The following REEP2 variants were observed in gnomAD, a reference collection of about 807,000 sequenced individuals.
REEP2 encodes receptor expression-enhancing protein 2.
REEP2 carries 9 observed loss-of-function variants against 32.1 expected under a neutral mutation model. The ratio of observed to expected loss-of-function variants is 0.28; its 90% CI spans 0.17 to 0.49. REEP2 has a LOEUF of 0.49. REEP2 is among the 20% of genes least tolerant of loss of function. The pLI, the probability that REEP2 is intolerant of heterozygous loss-of-function variation, is 0.99. For synonymous variants in REEP2, 128 were observed against 139.1 expected (o/e 0.92, Z 0.56); for missense variants, 236 against 338.0 (o/e 0.70, Z 2.37).
rs747072588 is a variant in REEP2, at chr5:138,444,412, C to A, written c.183-3C>A. ...TACTCTGCGCTTGCCCCTGTCCCAACAGGTTCCCCTTCTACTTTGAACTGA... is the reference window on the plus strand; with the variant it reads ...TACTCTGCGCTTGCCCCTGTCCCAAAAGGTTCCCCTTCTACTTTGAACTGA... On this transcript the variant is annotated splice_region_variant and splice_polypyrimidine_tract_variant and intron_variant, in intron 3 of 7. Transcript: ENST00000378339. 6.2e-7 allele frequency: 1 copy of A among 1,613,734 alleles called. No homozygotes were observed. The highest frequency in any genetic ancestry group is 2.2e-5 in the East Asian group (1 of 44,874).
In REEP2 at chr5:138,446,515, A is replaced by C. The variant is rs3798153; in HGVS notation, c.*764A>C. 0.54 allele frequency: 82,965 copies of C among 152,450 alleles called. 22,852 individuals carry two copies. The highest frequency in any genetic ancestry group is 0.79 in the East Asian group (4,093 of 5,168). 9.4% of individuals were successfully genotyped at this position (152,450 alleles called of 1,614,324 possible). On this transcript the variant is annotated 3_prime_UTR_variant, in exon 8 of 8. Coordinates refer to ENST00000378339, the MANE Select transcript of REEP2 (RefSeq NM_001271803.2). ...TGGCCCTTTCCCTGCTCAACCCTCC[A>C]TCCTAGGCTCTGAGCCTCAGAGGAC... is the stretch of plus-strand genomic sequence containing the variant.
chr5:138,444,679 C>G, intron 4 of REEP2, 75 bp from the exon 5 acceptor site: 2 of 1,561,812 alleles, frequency 1.3e-6, no homozygotes, highest in South Asian at 2.3e-5. Context: ...CCGGAGCAGG[C>G]AGGGGCCTCT....
chr5:138,445,125 TG>T, intron 5 of REEP2, 102 bp from the exon 6 acceptor site: 1 of 1,294,132 alleles, frequency 7.7e-7, no homozygotes, highest in Non-Finnish European at 1.1e-6. Context: ...GAGGACAGTG[TG>T]GGGAGGGCAC....
In REEP2 at chr5:138,441,584, G is replaced by T; in HGVS notation, c.182+123G>T. The T allele has an allele frequency of 1.3e-6, 1 of 782,588 alleles. No homozygotes were observed. The highest frequency in any genetic ancestry group is 1.5e-5 in the South Asian group (1 of 66,512). 48.5% of individuals were successfully genotyped at this position (782,588 alleles called of 1,614,324 possible). ...CCTCCCATTCCTGACAATTTCATGG[G>T]GTCCTTGATATCTCCCCTCTCATGC... On this transcript the variant is annotated intron_variant, in intron 3 of 7. Coordinates refer to ENST00000378339, the MANE Select transcript of REEP2 (RefSeq NM_001271803.2). This position sits in a 1 kb window ranked among gnomAD's most constrained non-coding sequence, Gnocchi z 4.4.
intron 1 of REEP2, among the ~76,000 whole-genome samples, chr5:138,440,433 G>C (rs1247016214): frequency 8.5e-5 from 13 of 152,224 alleles, no homozygotes; most frequent in African/African-American, 2.4e-4. Context: ...TGGATCACCA[G>C]CGGGGCCCTC....
At chr5:138,440,799 T>C in intron 1 of REEP2, 1 of 873,304 alleles carries the variant, frequency 1.1e-6, no homozygotes, top group South Asian at 1.8e-5. Context: ...CCTCCGGGGC[T>C]AGAGAAAAAC....
Position 138,444,442 on chromosome 5 carries a change from C to A in REEP2, c.210C>A (p.Ile70=). 1 of 1,614,040 alleles carries A rather than the reference C, an allele frequency of 6.2e-7. No individual in the cohort carries two copies. Among genetic ancestry groups the A allele is most frequent in the East Asian group, 2.2e-5 (1 of 44,876 alleles). Residue 70 remains isoleucine, a synonymous_variant, in exon 4 of 8, where the codon ATC becomes ATA. Transcript: ENST00000378339. Reference sequence around the variant, plus strand: ...TCCCCTTCTACTTTGAACTGAAGATCGCCTTCGTGATATGGCTGCTGTCCC... The same window carrying A: ...TCCCCTTCTACTTTGAACTGAAGATAGCCTTCGTGATATGGCTGCTGTCCC... ...SWFPFYFELK[I]AFVIWLLSPY...
Position 138,445,843 on chromosome 5 carries a change from G to C in REEP2, c.*92G>C, listed in dbSNP as rs1763921804. 1 of 1,270,996 alleles carries C rather than the reference G, an allele frequency of 7.9e-7. No homozygotes were observed. Among genetic ancestry groups the C allele is most frequent in the Non-Finnish European group, 1.1e-6 (1 of 916,404 alleles). 78.7% of individuals were successfully genotyped at this position (1,270,996 alleles called of 1,614,324 possible). On this transcript the variant is annotated 3_prime_UTR_variant, in exon 8 of 8. Coordinates refer to ENST00000378339, the MANE Select transcript of REEP2 (RefSeq NM_001271803.2). ...TGCTCCACACTGTGCCAGTAGCCTA[G>C]GTGTCTCAGGCCCCTGGGCCCCGCA... is the stretch of plus-strand genomic sequence containing the variant.
In REEP2 at chr5:138,439,103, C is replaced by A; in HGVS notation, c.-106C>A. On this transcript the variant is annotated 5_prime_UTR_variant, in exon 1 of 8. It adds an upstream start codon to the 5' untranslated region. Coordinates refer to ENST00000378339, the MANE Select transcript of REEP2 (RefSeq NM_001271803.2). ...CCCGCGGCGGCTGCTGCAGCGGCTG[C>A]TGCTGCTACTGCGGCTCCTGCTGCC... 1 of 514,398 alleles carries A rather than the reference C, an allele frequency of 1.9e-6. No homozygotes were observed. The highest frequency in any genetic ancestry group is 2.7e-6 in the Non-Finnish European group (1 of 364,634). The allele number at this position is 514,398 out of a possible 1,614,324, so 31.9% of individuals were successfully genotyped here.
intron 5 of REEP2, 21 bp from the exon 6 acceptor site, chr5:138,445,207 G>T (rs1381877499): frequency 2.6e-6 from 4 of 1,567,252 alleles, no homozygotes; most frequent in Non-Finnish European, 2.6e-6. Context: ...CGGCTCTCCC[G>T]GTGCGTGGTG....
At chr5:138,439,366 G>T (rs1287103597) in intron 1 of REEP2, 126 bp downstream of exon 1, 3 of 992,570 alleles carry the variant, frequency 3.0e-6, no homozygotes, top group Non-Finnish European at 2.9e-6. Flanking sequence ...CTTATTTGGG[G>T]CCCCCAGAGA....
intron 3 of REEP2, among the ~76,000 whole-genome samples, chr5:138,442,154 C>G (rs1004396565): frequency 5.9e-5 from 9 of 152,184 alleles, no homozygotes; most frequent in African/African-American, 1.2e-4. Flanking sequence ...ATTTTCCAGG[C>G]TGTACTAGAC....
At chr5:138,439,730 T>C in intron 1 of REEP2, 1 of 456,728 alleles carries the variant, frequency 2.2e-6, no homozygotes, top group Non-Finnish European at 4.4e-6. Context: ...CCACTCACTG[T>C]CAGGAGACTG....
intron 3 of REEP2, among the ~76,000 whole-genome samples, chr5:138,443,428 C>A (rs1451828820): frequency 6.8e-6 from 1 of 147,154 alleles, no homozygotes; most frequent in East Asian, 2.0e-4. Flanking sequence ...CCATTGCACT[C>A]CGGCCTGGGC....
In REEP2 at chr5:138,441,987, G is replaced by A. The variant is rs926152312; in HGVS notation, c.182+526G>A. Among the ~76,000 whole-genome samples the A allele has an allele frequency of 2.0e-5, 3 of 152,108 alleles. No homozygotes were observed. The highest frequency in any genetic ancestry group is 4.8e-5 in the African/African-American group (2 of 41,422). On this transcript the variant is annotated intron_variant, in intron 3 of 7. Coordinates refer to ENST00000378339, the MANE Select transcript of REEP2 (RefSeq NM_001271803.2). The surrounding 1 kb of genome is among the most constrained non-coding windows in gnomAD (Gnocchi z 4.4). ...CATAATCCCCATGTTTCTTTCTGGC[G>A]GCAGCCAGAGCCCCTCAGTGGAATT...
intron 3 of REEP2, chr5:138,443,664 C>T (rs1192036528): frequency 6.6e-6 from 1 of 152,142 alleles, no homozygotes; most frequent in Non-Finnish European, 1.5e-5. Context: ...ACCTCAACCT[C>T]CTGAGTAGCT....
In REEP2 at chr5:138,439,132, G is replaced by C; in HGVS notation, c.-77G>C. ...TGCTACTGCGGCTCCTGCTGCCGCC[G>C]CCGCCGCCGCTCGGCCTCAGGCAGC... On this transcript the variant is annotated 5_prime_UTR_variant, in exon 1 of 8. Transcript: ENST00000378339. The C allele has an allele frequency of 1.0e-6, 1 of 971,030 alleles. No individual in the cohort carries two copies. Among genetic ancestry groups the C allele is most frequent in the Non-Finnish European group, 1.3e-6 (1 of 765,926 alleles). The allele number at this position is 971,030 out of a possible 1,614,324, so 60.2% of individuals were successfully genotyped here. A position where few individuals can be genotyped will look rare whatever the true frequency, so the allele number is the denominator to read the frequency against.
In REEP2 at chr5:138,441,317, G is replaced by A. The variant is rs2127022060; in HGVS notation, c.106-68G>A. ...AGCCCAGGCATGTTCAACAGGCAGA[G>A]CTGGGGTCCTGGGTGTCCCTGGCCC... On this transcript the variant is annotated intron_variant, in intron 2 of 7. Transcript: ENST00000378339. This position sits in a 1 kb window ranked among gnomAD's most constrained non-coding sequence, Gnocchi z 4.4. 6.2e-6 allele frequency: 9 copies of A among 1,445,634 alleles called. No homozygotes were observed. Among genetic ancestry groups the A allele is most frequent in the Admixed American group, 1.7e-5 (1 of 59,788 alleles). The allele number at this position is 1,445,634 out of a possible 1,614,324, so 89.6% of individuals were successfully genotyped here.
In REEP2 at chr5:138,445,818, T is replaced by G; in HGVS notation, c.*67T>G. On this transcript the variant is annotated 3_prime_UTR_variant, in exon 8 of 8. Coordinates refer to ENST00000378339, the MANE Select transcript of REEP2 (RefSeq NM_001271803.2). ...CAGGAGGGGCCTCAGACCCAGCCCC[T>G]GCTCCACACTGTGCCAGTAGCCTAG... The G allele has an allele frequency of 8.2e-6, 12 of 1,465,016 alleles. No homozygotes were observed. Among genetic ancestry groups the G allele is most frequent in the Non-Finnish European group, 9.3e-6 (10 of 1,073,672 alleles). The allele number at this position is 1,465,016 out of a possible 1,614,324, so 90.8% of individuals were successfully genotyped here.
Sources: allele counts gnomAD v4.1 joint callset (sites outside exome capture counted in the v4.1 genomes callset), GRCh38; gene constraint gnomAD v4.1.1; non-coding constraint Gnocchi (gnomAD v3.1); transcripts MANE v1.5; gene names NCBI Gene and HGNC (gene_info 2026-07-23, HGNC 2026-07-21).